Variants in B3GNT2 observed in about 807,000 individuals in gnomAD.
The protein encoded by B3GNT2 is N-acetyllactosaminide beta-1,3-N-acetylglucosaminyltransferase 2.
A neutral mutation model predicts 27.6 loss-of-function variants in B3GNT2; 12 were observed. That is an observed-to-expected ratio of 0.44 (90% CI 0.28 to 0.71). The LOEUF (loss-of-function observed/expected upper bound fraction) is 0.71. Ranked by LOEUF, B3GNT2 falls within the 30% of genes least tolerant of loss-of-function variation. The pLI is 0.17. For missense variants in B3GNT2, 413 were observed against 488.5 expected, an observed-to-expected ratio of 0.85 and a Z score of 1.46; for synonymous variants, 192 against 189.7, an observed-to-expected ratio of 1.01 and a Z score of -0.10.
chr2:62,218,096 T>C (rs1395832378), intron 1 of B3GNT2, among the ~76,000 whole-genome samples: 1 of 152,228 alleles, frequency 6.6e-6, no homozygotes, highest in Non-Finnish European at 1.5e-5. Flanking sequence ...TCTTACGCAA[T>C]GTAACTTCCT....
chr2:62,210,490 C>T (rs1443501965), intron 1 of B3GNT2, among the ~76,000 whole-genome samples: 3 of 151,786 alleles, frequency 2.0e-5, no homozygotes, highest in South Asian at 2.1e-4. Flanking sequence ...GGACAGTGGC[C>T]GGGTGCGGTG....
At position 62,223,171 on chromosome 2, in the gene B3GNT2, G is replaced by A. The variant is rs561850329; in HGVS notation, c.951G>A (p.Leu317=). The change falls in exon 2 of 2, where the codon CTG becomes CTA. Residue 317 remains leucine (L), a synonymous_variant. Transcript: ENST00000301998. ...GGFLYSGHLA[L]RLYHITDQVH... ...TCCTCTACTCCGGCCACCTGGCCCT[G>A]AGGCTGTACCATATCACTGACCAGG... is the stretch of plus-strand genomic sequence containing the variant. 1.7e-5 allele frequency: 28 copies of A among 1,614,184 alleles called. No homozygotes were observed. In the South Asian group the frequency reaches 3.0e-4, roughly 17 times the overall value.
At chr2:62,207,823 G>T (rs986456157) in intron 1 of B3GNT2, among the ~76,000 whole-genome samples, 1 of 152,166 alleles carries the variant, frequency 6.6e-6, no homozygotes, top group Non-Finnish European at 1.5e-5. Context: ...ACCATGGACC[G>T]CTAGGGGTCC....
intron 1 of B3GNT2, among the ~76,000 whole-genome samples, chr2:62,198,276 C>T (rs1674194177): frequency 6.6e-6 from 1 of 152,226 alleles, no homozygotes; most frequent in South Asian, 2.1e-4. Context: ...GCAAGTTATT[C>T]TTCACCTGAG....
At chr2:62,211,067 A>G (rs940498278) in intron 1 of B3GNT2, among the ~76,000 whole-genome samples, 5 of 152,052 alleles carry the variant, frequency 3.3e-5, no homozygotes, top group African/African-American at 9.7e-5. Context: ...TTAGCAATTG[A>G]TAAAGCAGTT....
chr2:62,212,211 T>C (rs1194498908), intron 1 of B3GNT2, among the ~76,000 whole-genome samples: 1 of 152,198 alleles, frequency 6.6e-6, no homozygotes, highest in Non-Finnish European at 1.5e-5. Flanking sequence ...TATGTGTGCA[T>C]GCGCATGCTT....
At chr2:62,202,607 A>G (rs1477034418) in intron 1 of B3GNT2, among the ~76,000 whole-genome samples, 1 of 152,154 alleles carries the variant, frequency 6.6e-6, no homozygotes, top group Admixed American at 6.5e-5. Flanking sequence ...CCAGGCTTGC[A>G]TTGAGGAAGA....
chr2:62,222,370 G>A lies in B3GNT2; in HGVS notation c.150G>A (p.Lys50=), dbSNP rs1674716739. 1.2e-6 allele frequency: 2 copies of A among 1,614,146 alleles called. No homozygotes were observed. The highest frequency in any genetic ancestry group is 1.3e-5 in the African/African-American group (1 of 75,022). The change falls in exon 2 of 2, where the codon AAG becomes AAA. Residue 50 remains lysine, a synonymous_variant. Transcript: ENST00000301998. This position sits in a 1 kb window ranked among gnomAD's most constrained non-coding sequence, Gnocchi z 4.2. ...TAATACCCAAAGAGAAGTTCTGGAA[G>A]ATATCTACCCCTCCCGAGGCATACT... ...EVIIPKEKFW[K]ISTPPEAYWN...
intron 1 of B3GNT2, among the ~76,000 whole-genome samples, chr2:62,207,270 C>T (rs772364249): frequency 1.3e-5 from 2 of 152,052 alleles, no homozygotes; most frequent in Non-Finnish European, 2.9e-5. Context: ...ACCTCTGCTT[C>T]CTGGGTTCAA....
intron 1 of B3GNT2, among the ~76,000 whole-genome samples, chr2:62,210,238 A>G (rs1480685626): frequency 2.6e-5 from 4 of 152,210 alleles, no homozygotes; most frequent in Admixed American, 2.6e-4. Flanking sequence ...AAAGTATAAG[A>G]GCTTAGACCC....
intron 1 of B3GNT2, chr2:62,221,761 T>C: frequency 2.0e-6 from 1 of 493,016 alleles, no homozygotes; most frequent in South Asian, 1.5e-5. Flanking sequence ...ATGTGTATAC[T>C]AAACACAGTA....
At chr2:62,198,084 AACT>A (rs1417574650) in intron 1 of B3GNT2, among the ~76,000 whole-genome samples, 1 of 152,176 alleles carries the variant, frequency 6.6e-6, no homozygotes, top group Non-Finnish European at 1.5e-5. Context: ...TTCTGTTTGA[AACT>A]ACTTTTTTAG....
rs376025052 is a variant in B3GNT2 at position 62,222,426 on chromosome 2, A to G, written c.206A>G (p.Gln69Arg). 2 of 1,614,102 alleles carry G rather than the reference A, an allele frequency of 1.2e-6. No homozygotes were observed. Among genetic ancestry groups the G allele is most frequent in the South Asian group, 1.1e-5 (1 of 91,062 alleles). Residue 69 changes from glutamine to arginine, a missense_variant, in exon 2 of 2, where the codon CAG (glutamine) becomes CGG (arginine). Gln to Arg is a conservative substitution (Grantham distance 43). Coordinates refer to ENST00000301998, the MANE Select transcript of B3GNT2 (RefSeq NM_006577.6). The surrounding 1 kb of genome is among the most constrained non-coding windows in gnomAD (Gnocchi z 4.2). The part of the protein sequence containing the change: ...WNREQEKLNR[Q>R]YNPILSMLTN... ...CGAGAGCAAGAGAAGCTGAACCGGCAGTACAACCCCATCCTGAGCATGCTG... is the reference window on the plus strand; with the variant it reads ...CGAGAGCAAGAGAAGCTGAACCGGCGGTACAACCCCATCCTGAGCATGCTG...
At chr2:62,213,604 G>A (rs968627242) in intron 1 of B3GNT2, among the ~76,000 whole-genome samples, 1 of 152,090 alleles carries the variant, frequency 6.6e-6, no homozygotes, top group African/African-American at 2.4e-5. Flanking sequence ...TGGGAAATGA[G>A]GGGGCGGCTG....
intron 1 of B3GNT2, among the ~76,000 whole-genome samples, chr2:62,208,927 A>G (rs115098020): frequency 0.017 from 2,627 of 152,150 alleles, 77 homozygotes; most frequent in African/African-American, 0.06. Flanking sequence ...GCAAGGGGGA[A>G]GAAATACAAG....
chr2:62,197,076 T>G lies in B3GNT2; in HGVS notation c.-10+721T>G, dbSNP rs918943564. ...GTTTGCGTTGAATGATTAACCAGGC[T>G]GCTAGCCCGAGTCGTGGGGGTGGGG... is the stretch of plus-strand genomic sequence containing the variant. On this transcript the variant is annotated intron_variant, in intron 1 of 1. Transcript: ENST00000301998. Among the ~76,000 whole-genome samples the G allele has an allele frequency of 3.2e-4, 47 of 147,374 alleles. 1 individual carries two copies. The highest frequency in any genetic ancestry group is 2.4e-3 in the Admixed American group (36 of 14,896).
At chr2:62,207,115 T>C (rs1409882262) in intron 1 of B3GNT2, among the ~76,000 whole-genome samples, 1 of 152,232 alleles carries the variant, frequency 6.6e-6, no homozygotes, top group Non-Finnish European at 1.5e-5. Flanking sequence ...ATTTTTATTT[T>C]GGAAGGAAGA....
chr2:62,216,317 T>G (rs556094265), intron 1 of B3GNT2, among the ~76,000 whole-genome samples: 8 of 152,074 alleles, frequency 5.3e-5, no homozygotes. Flanking sequence ...TTTGCTTTGG[T>G]CAGAGTGAAA....
chr2:62,209,821 GC>G (rs1674446452), intron 1 of B3GNT2, among the ~76,000 whole-genome samples: 1 of 152,216 alleles, frequency 6.6e-6, no homozygotes, highest in African/African-American at 2.4e-5. Flanking sequence ...GGAAGGAAAA[GC>G]AGATTTTCTC....
Sources: gnomAD v4.1 joint callset for allele counts (sites outside exome capture counted in the v4.1 genomes callset) on GRCh38, gnomAD v4.1.1 for gene constraint, Gnocchi (gnomAD v3.1) non-coding constraint, MANE v1.5 for transcripts, NCBI Gene and HGNC (gene_info 2026-07-23, HGNC 2026-07-21) for gene names.